ST8SIA1: variants seen among roughly 807,000 people sequenced by gnomAD.
ST8SIA1 encodes alpha-N-acetylneuraminide alpha-2,8-sialyltransferase.
In ST8SIA1, 16 loss-of-function variants were observed where a neutral mutation model predicts 35.9. That is an observed-to-expected ratio of 0.45 (90% confidence interval 0.30 to 0.68). The LOEUF is 0.68. ST8SIA1 is among the 30% of genes least tolerant of loss of function. The pLI is 0.09. For missense variants in ST8SIA1, 383 were observed against 453.6 expected, an observed-to-expected ratio of 0.84 and a Z score of 1.41; for synonymous variants, 170 against 169.6, an observed-to-expected ratio of 1.00 and a Z score of -0.02.
chr12:22,280,297 T>A (rs1435768321), intron 2 of ST8SIA1, among the ~76,000 whole-genome samples: 4 of 152,054 alleles, frequency 2.6e-5, no homozygotes, highest in Non-Finnish European at 4.4e-5. Flanking sequence ...ATTAAGAAAC[T>A]AATCAAAGAA....
At chr12:22,299,383 T>G (rs908041699) in intron 1 of ST8SIA1, among the ~76,000 whole-genome samples, 8 of 152,090 alleles carry the variant, frequency 5.3e-5, no homozygotes, top group African/African-American at 1.7e-4. Flanking sequence ...AGAGAAATCA[T>G]TTTATATGAG....
At chr12:22,219,861 G>C (rs1375111305) in intron 4 of ST8SIA1, among the ~76,000 whole-genome samples, 1 of 151,998 alleles carries the variant, frequency 6.6e-6, no homozygotes, top group Non-Finnish European at 1.5e-5. Flanking sequence ...ATAAAAACTT[G>C]ACCCACATAG....
chr12:22,294,262 A>G (rs781210969), intron 1 of ST8SIA1, among the ~76,000 whole-genome samples: 2 of 151,750 alleles, frequency 1.3e-5, no homozygotes, highest in Non-Finnish European at 2.9e-5. Context: ...GCAAGTGGTG[A>G]TAATACTGCC....
chr12:22,198,837 G>GT lies in ST8SIA1; in HGVS notation c.*2714dup, dbSNP rs2120594088. The GT allele has an allele frequency of 6.6e-6, 1 of 152,216 alleles. No homozygotes were observed. The highest frequency in any genetic ancestry group is 2.1e-4 in the South Asian group (1 of 4,822). The allele number at this position is 152,216 out of a possible 1,614,324, so 9.4% of individuals were successfully genotyped here. A position where few individuals can be genotyped will look rare whatever the true frequency, so the allele number is the denominator to read the frequency against. On this transcript the variant is annotated 3_prime_UTR_variant, in exon 5 of 5. Coordinates refer to ENST00000396037, the MANE Select transcript of ST8SIA1 (RefSeq NM_003034.4). The stretch of plus-strand genomic sequence containing the variant: ...GCTGTGAGAGGCTGACTTGTGCATT[G>GT]TAAGATCTTTAGCAGGATCCCTAAC...
At position 22,267,476 on chromosome 12, in the gene ST8SIA1, G is replaced by GT. The variant is rs554130880; in HGVS notation, c.382-12088dup. 1.2e-3 allele frequency among the ~76,000 whole-genome samples: 187 copies of GT among 152,222 alleles called. 1 individual carries two copies. Among genetic ancestry groups the GT allele is most frequent in the African/African-American group, 4.3e-3 (180 of 41,538 alleles). ...CTTTATTTCCCCAATTTAATAAAAT[G>GT]TATCTGCCATCCTTTCTTACTGATA... On this transcript the variant is annotated intron_variant, in intron 2 of 4. Coordinates refer to ENST00000396037, the MANE Select transcript of ST8SIA1 (RefSeq NM_003034.4).
intron 4 of ST8SIA1, among the ~76,000 whole-genome samples, chr12:22,232,968 A>G (rs1865436087): frequency 6.6e-6 from 1 of 152,234 alleles, no homozygotes; most frequent in Non-Finnish European, 1.5e-5. Flanking sequence ...TGGGTCAAAT[A>G]AGAGAACTAA....
intron 1 of ST8SIA1, among the ~76,000 whole-genome samples, chr12:22,291,067 C>G (rs185497468): frequency 4.6e-5 from 7 of 152,132 alleles, no homozygotes; most frequent in African/African-American, 1.4e-4. Flanking sequence ...TAAATACTTA[C>G]GAAGCCTGGG....
chr12:22,239,720 T>C (rs772812287), intron 4 of ST8SIA1, among the ~76,000 whole-genome samples: 95 of 152,258 alleles, frequency 6.2e-4, no homozygotes, highest in Non-Finnish European at 1.3e-4. Flanking sequence ...TGTTTGCTTA[T>C]GAGCTATCAT....
At chr12:22,220,476 T>C (rs960459820) in intron 4 of ST8SIA1, among the ~76,000 whole-genome samples, 1 of 152,126 alleles carries the variant, frequency 6.6e-6, no homozygotes, top group Non-Finnish European at 1.5e-5. Context: ...CATACGGATT[T>C]TTGTCTTTCA....
intron 2 of ST8SIA1, among the ~76,000 whole-genome samples, chr12:22,284,083 G>A (rs142016149): frequency 1.4e-4 from 21 of 152,264 alleles, no homozygotes; most frequent in African/African-American, 4.1e-4. Context: ...TACCTCCTGA[G>A]GATACACTGC....
Position 22,287,276 on chromosome 12 carries a change from C to T in ST8SIA1, c.254G>A (p.Cys85Tyr). Residue 85 changes from cysteine to tyrosine, a missense_variant, in exon 2 of 5, where the codon TGC becomes TAC. Transcript: ENST00000396037. ...AGCAAAGAGATGGGCAGGGTCGCAG[C>T]AGTCTTCCATTTGTTTCCTAGGAGA... ...ARAFRKQMED[C>Y]CDPAHLFAMT... The T allele has an allele frequency of 6.2e-7, 1 of 1,612,922 alleles. No homozygotes were observed. The highest frequency in any genetic ancestry group is 1.1e-5 in the South Asian group (1 of 90,954).
chr12:22,270,353 G>A (rs1372653908), intron 2 of ST8SIA1, among the ~76,000 whole-genome samples: 1 of 152,308 alleles, frequency 6.6e-6, no homozygotes, highest in Admixed American at 6.5e-5. Context: ...ACAAACTATA[G>A]TTGTAGAGTG....
At chr12:22,277,177 G>T (rs1865979535) in intron 2 of ST8SIA1, among the ~76,000 whole-genome samples, 1 of 152,000 alleles carries the variant, frequency 6.6e-6, no homozygotes, top group Non-Finnish European at 1.5e-5. Context: ...GCTGCTCCTT[G>T]TCCTTCATGA....
chr12:22,248,169 C>T (rs1307668128), intron 4 of ST8SIA1, among the ~76,000 whole-genome samples: 1 of 152,110 alleles, frequency 6.6e-6, no homozygotes, highest in Non-Finnish European at 1.5e-5. Context: ...AGTAGTGCCA[C>T]GTTGTGAATA....
intron 1 of ST8SIA1, among the ~76,000 whole-genome samples, chr12:22,323,388 T>C (rs915605522): frequency 5.3e-5 from 8 of 152,306 alleles, no homozygotes; most frequent in South Asian, 2.1e-4. Flanking sequence ...GATATAAGAA[T>C]TGGTGTTTAC....
chr12:22,311,498 C>T (rs1262315744), intron 1 of ST8SIA1, among the ~76,000 whole-genome samples: 2 of 152,136 alleles, frequency 1.3e-5, no homozygotes, highest in African/African-American at 4.8e-5. Context: ...CTTCAATTGT[C>T]TCTGGCAAAA....
intron 3 of ST8SIA1, among the ~76,000 whole-genome samples, chr12:22,254,401 C>G (rs1425947120): frequency 4.6e-5 from 7 of 151,966 alleles, no homozygotes; most frequent in Admixed American, 4.6e-4. Context: ...TCATCTGACC[C>G]CATCCTTTCT....
At chr12:22,222,042 T>C (rs561387929) in intron 4 of ST8SIA1, among the ~76,000 whole-genome samples, 15 of 152,288 alleles carry the variant, frequency 9.8e-5, no homozygotes, top group Admixed American at 3.3e-4. Context: ...CATCTTATAA[T>C]TGCAATGTAT....
chr12:22,249,441 C>T (rs919480479), intron 3 of ST8SIA1, among the ~76,000 whole-genome samples: 1 of 152,040 alleles, frequency 6.6e-6, no homozygotes, highest in Non-Finnish European at 1.5e-5. Context: ...AGGACGGTCT[C>T]GATCTCCTGA....
Sources: allele counts gnomAD v4.1 joint callset (sites outside exome capture counted in the v4.1 genomes callset), GRCh38; gene constraint gnomAD v4.1.1; transcripts MANE v1.5; gene names NCBI Gene and HGNC (gene_info 2026-07-23, HGNC 2026-07-21).